PITPNA: variants seen among roughly 807,000 people sequenced by gnomAD.
The protein encoded by PITPNA is phosphatidylinositol transfer protein alpha, also known as phosphatidylinositol transfer protein alpha isoform.
Under a neutral mutation model 50.3 loss-of-function variants are expected in PITPNA, and 13 were observed. That is an observed-to-expected ratio of 0.26 (90% CI 0.17 to 0.41). The LOEUF (loss-of-function observed/expected upper bound fraction) is 0.41. PITPNA is among the 10% of genes least tolerant of loss of function. PITPNA has a pLI of 1.00. For synonymous variants in PITPNA, 120 were observed against 119.6 expected (o/e 1.00, Z -0.02); for missense variants, 207 against 333.4 (o/e 0.62, Z 2.95).
chr17:1,559,161 G>A (rs34155204), intron 1 of PITPNA, among the ~76,000 whole-genome samples: 64,099 of 151,922 alleles, frequency 0.42, 14,372 homozygotes, highest in East Asian at 0.74. Context: ...AACACACACC[G>A]GGCATCTCTG....
intron 2 of PITPNA, among the ~76,000 whole-genome samples, chr17:1,554,525 G>A (rs890640262): frequency 6.6e-6 from 1 of 151,410 alleles, no homozygotes; most frequent in African/African-American, 2.4e-5. Flanking sequence ...CGAAGTAGCT[G>A]GGATTACAGG....
At position 1,538,910 on chromosome 17, in the gene PITPNA, C is replaced by T. The variant is rs758547209; in HGVS notation, c.415G>A (p.Val139Ile). 1.1e-5 allele frequency: 18 copies of T among 1,613,604 alleles called. 1 individual carries two copies. Among genetic ancestry groups the T allele is most frequent in the East Asian group, 1.1e-4 (5 of 44,898 alleles). The part of the protein sequence containing the change: ...EPEAWKHVEA[V>I]YIDIADRSQV... Reference sequence around the variant, plus strand: ...CTTCGATCTGCAATGTCTATATATACGGCTTCCACGTGTTTCCACGCCTCA... The same window carrying T: ...CTTCGATCTGCAATGTCTATATATATGGCTTCCACGTGTTTCCACGCCTCA... Residue 139 changes from valine (V) to isoleucine (I), a missense_variant, in exon 7 of 12, where the codon GTA becomes ATA. Transcript: ENST00000313486.
intron 7 of PITPNA, among the ~76,000 whole-genome samples, chr17:1,537,233 T>C (rs1271870833): frequency 6.6e-6 from 1 of 152,076 alleles, no homozygotes; most frequent in South Asian, 2.1e-4. Flanking sequence ...CTGGCTAATC[T>C]GTTGTATTTT....
At chr17:1,529,859 GAA>G (rs576234626) in intron 10 of PITPNA, among the ~76,000 whole-genome samples, 1 of 125,776 alleles carries the variant, frequency 8.0e-6, no homozygotes. Context: ...TGTTTCAAAA[GAA>G]AAAAAAAAAA....
chr17:1,534,143 C>T lies in PITPNA; in HGVS notation c.724G>A (p.Asp242Asn), dbSNP rs1598406191. Residue 242 changes from aspartate to asparagine, a missense_variant, in exon 10 of 12, where the codon GAC (aspartate) becomes AAC (asparagine). By Grantham distance (23) the Asp-to-Asn change is conservative. Transcript: ENST00000313486. ...LDKWVDLTMD[D>N]IRRMEEETKR... ...GTCTCTTCTTCCATCCTTCGAATGT[C>T]GTCCATGGTCAGGTCAACCCACTTA... 2 of 1,613,824 alleles carry T rather than the reference C, an allele frequency of 1.2e-6. No homozygotes were observed. Among genetic ancestry groups the T allele is most frequent in the Non-Finnish European group, 1.7e-6 (2 of 1,179,842 alleles).
intron 3 of PITPNA, 113 bp downstream of exon 3, chr17:1,552,891 T>G (rs1598413003): frequency 9.6e-7 from 1 of 1,039,060 alleles, no homozygotes; most frequent in Non-Finnish European, 1.4e-6. Flanking sequence ...AACTATTAAT[T>G]GTTAGGATAT....
At position 1,556,124 on chromosome 17, in the gene PITPNA, G is replaced by C. The variant is rs1484319619; in HGVS notation, c.51+2405C>G. 2.0e-5 allele frequency among the ~76,000 whole-genome samples: 3 copies of C among 152,204 alleles called. No individual in the cohort carries two copies. In the East Asian group the frequency reaches 5.8e-4, roughly 29 times the overall value. ...GGATGGGGATGGGGTTACTGACAAAGACTCTGAGAAGGTTGATCATGAATT... is the reference window on the plus strand; with the variant it reads ...GGATGGGGATGGGGTTACTGACAAACACTCTGAGAAGGTTGATCATGAATT... On this transcript the variant is annotated intron_variant, in intron 2 of 11. Coordinates refer to ENST00000313486, the MANE Select transcript of PITPNA (RefSeq NM_006224.4).
At chr17:1,539,639 C>T (rs949236017) in intron 6 of PITPNA, among the ~76,000 whole-genome samples, 11 of 152,214 alleles carry the variant, frequency 7.2e-5, no homozygotes, top group Admixed American at 5.2e-4. Flanking sequence ...CCCGAGTGAT[C>T]CTCCTGTCTC....
rs369125301 is a variant in PITPNA, at chr17:1,556,946, T to G, written c.51+1583A>C. Among the ~76,000 whole-genome samples, 5 of 151,770 alleles carry G rather than the reference T, an allele frequency of 3.3e-5. No individual in the cohort carries two copies. In the East Asian group the frequency reaches 9.7e-4, roughly 29 times the overall value. On this transcript the variant is annotated intron_variant, in intron 2 of 11. Coordinates refer to ENST00000313486, the MANE Select transcript of PITPNA (RefSeq NM_006224.4). ...CTATCTCCACTATTTAAAATAAATA[T>G]TATAAAATAAAAAAAATAAAGACAG...
chr17:1,534,294 TC>T, intron 9 of PITPNA, 73 bp from the exon 10 acceptor site: 1 of 1,581,128 alleles, frequency 6.3e-7, no homozygotes, highest in Admixed American at 1.7e-5. Flanking sequence ...CTCCATGCAC[TC>T]CACACGAATA....
In PITPNA at chr17:1,562,022, CCTCGGCCCGCGCAGAGCGACCCCACAGCA is replaced by C. The variant is rs2075771020; in HGVS notation, c.20+490_20+518del. Among the ~76,000 whole-genome samples the C allele has an allele frequency of 6.6e-6, 1 of 152,146 alleles. No individual in the cohort carries two copies. The highest frequency in any genetic ancestry group is 2.1e-4 in the South Asian group (1 of 4,834). On this transcript the variant is annotated intron_variant, in intron 1 of 11. Coordinates refer to ENST00000313486, the MANE Select transcript of PITPNA (RefSeq NM_006224.4). This position sits in a 1 kb window ranked among gnomAD's most constrained non-coding sequence, Gnocchi z 6.4. ...CCTGCAGTCCCGGCTGAGCCCGCGC[CCTCGGCCCGCGCAGAGCGACCCCACAGCA>C]CTCCCAGCGCTCGGCGTCCCCTCGG...
intron 2 of PITPNA, 32 bp downstream of exon 2, chr17:1,558,497 A>C (rs1234144074): frequency 6.7e-7 from 1 of 1,490,990 alleles, no homozygotes; most frequent in East Asian, 2.3e-5. Flanking sequence ...ACAGTTACAC[A>C]CAACTATGGA....
At chr17:1,545,737 T>C (rs2075670415) in intron 4 of PITPNA, among the ~76,000 whole-genome samples, 1 of 152,024 alleles carries the variant, frequency 6.6e-6, no homozygotes, top group Non-Finnish European at 1.5e-5. Flanking sequence ...GCAACACTCT[T>C]CCCAGAATGA....
chr17:1,522,528 A>G (rs1463206293), intron 10 of PITPNA, among the ~76,000 whole-genome samples: 1 of 151,716 alleles, frequency 6.6e-6, no homozygotes, highest in African/African-American at 2.4e-5. Flanking sequence ...ATGCACCATC[A>G]CGCCCAGCTA....
chr17:1,540,994 C>T (rs1454147103), intron 6 of PITPNA, among the ~76,000 whole-genome samples: 2 of 151,990 alleles, frequency 1.3e-5, no homozygotes, highest in African/African-American at 4.8e-5. Flanking sequence ...GACTTCCCAG[C>T]CTCAAATGAT....
chr17:1,541,892 T>C, intron 5 of PITPNA: 1 of 581,122 alleles, frequency 1.7e-6, no homozygotes, highest in Non-Finnish European at 3.3e-6. Flanking sequence ...AGAGGTTAGG[T>C]GACTTAACCA....
At chr17:1,558,769 A>ACCCCCCCCCCCCCCCCCCCC (rs147366133) in intron 1 of PITPNA, among the ~76,000 whole-genome samples, 12 of 22,692 alleles carry the variant, frequency 5.3e-4, no homozygotes, top group Admixed American at 1.7e-3. Flanking sequence ...CTGTGACAAC[A>ACCCCCCCCCCCCCCCCCCCC]CCCCCCCCCC....
rs2075610651 is a variant in PITPNA, at chr17:1,535,525, G to GA, written c.457-8dup. 6.2e-7 allele frequency: 1 copy of GA among 1,602,108 alleles called. No individual in the cohort carries two copies. The highest frequency in any genetic ancestry group is 8.6e-7 in the Non-Finnish European group (1 of 1,169,044). ...CTTCCTCTGCCTTGTAATCCTGAGA[G>GA]AAATTGTGGAATTGGGGTTGGAGGG... On this transcript the variant is annotated splice_polypyrimidine_tract_variant and splice_region_variant and intron_variant, in intron 7 of 11. Transcript: ENST00000313486.
intron 1 of PITPNA, among the ~76,000 whole-genome samples, chr17:1,561,015 C>T (rs940778018): frequency 1.3e-5 from 2 of 152,208 alleles, no homozygotes; most frequent in Non-Finnish European, 2.9e-5. Context: ...GAGCTCTCTG[C>T]ACACCTGCCT....
Sources: allele counts gnomAD v4.1 joint callset (sites outside exome capture counted in the v4.1 genomes callset), GRCh38; gene constraint gnomAD v4.1.1; non-coding constraint Gnocchi (gnomAD v3.1); transcripts MANE v1.5; gene names NCBI Gene and HGNC (gene_info 2026-07-23, HGNC 2026-07-21).